SPOP: variants seen among roughly 807,000 people sequenced by gnomAD.
The protein encoded by SPOP is speckle-type POZ protein.
In SPOP, 11 loss-of-function variants were observed where a neutral mutation model predicts 45.6. The observed-to-expected ratio is 0.24, with a 90% CI of 0.15 to 0.40. The LOEUF is 0.40. Among genes scored for constraint, SPOP ranks in the 10% least tolerant of loss-of-function variants. The pLI, the probability that SPOP is intolerant of heterozygous loss-of-function variation, is 1.00. For missense variants in SPOP, 152 were observed against 465.6 expected (o/e 0.33, Z 6.20); for synonymous variants, 166 against 166.3 (o/e 1.00, Z 0.01).
At chr17:49,602,230 T>TA (rs1447130379) in intron 8 of SPOP, 3 of 470,990 alleles carry the variant, frequency 6.4e-6, no homozygotes, top group Non-Finnish European at 1.1e-5. Context: ...AAGCTGCCAT[T>TA]AGAGTTCTAA....
chr17:49,611,711 T>C lies in SPOP; in HGVS notation c.481-254A>G, dbSNP rs556720713. Among the ~76,000 whole-genome samples, 6 of 152,290 alleles carry C rather than the reference T, an allele frequency of 3.9e-5. No individual in the cohort carries two copies. In the East Asian group the frequency reaches 1.2e-3, roughly 29 times the overall value. The stretch of plus-strand genomic sequence containing the variant: ...ACAAATCTCTTTTTCCCCCAGTTTC[T>C]AATAAGCTTCACCTCCCTTGGACTA... On this transcript the variant is annotated intron_variant, in intron 5 of 9. Coordinates refer to ENST00000504102, the MANE Select transcript of SPOP (RefSeq NM_001007228.2).
rs78365183 is a variant in SPOP, at chr17:49,658,309, T to C, written c.-67+19624A>G. Among the ~76,000 whole-genome samples the C allele has an allele frequency of 4.6e-4, 70 of 152,338 alleles. No homozygotes were observed. The East Asian group carries it at 0.011, about 23-fold the overall frequency. ...GGTGGGATTTGGGGTAATTTTTTAC[T>C]TTTTTCTTTATACTTTTCTATTTTT... On this transcript the variant is annotated intron_variant, in intron 1 of 9. Transcript: ENST00000504102.
intron 1 of SPOP, among the ~76,000 whole-genome samples, chr17:49,677,099 C>A (rs956188625): frequency 3.3e-5 from 5 of 152,128 alleles, no homozygotes; most frequent in African/African-American, 1.2e-4. Context: ...TCTAGTTCTG[C>A]GAATTAAGAA....
At chr17:49,609,990 A>G (rs894284764) in intron 6 of SPOP, among the ~76,000 whole-genome samples, 6 of 152,234 alleles carry the variant, frequency 3.9e-5, no homozygotes, top group Admixed American at 1.3e-4. Flanking sequence ...CAGGTGAGGT[A>G]AGAAGCAAGA....
At chr17:49,628,047 C>A (rs963906813) in intron 1 of SPOP, among the ~76,000 whole-genome samples, 12 of 152,144 alleles carry the variant, frequency 7.9e-5, no homozygotes, top group African/African-American at 2.9e-4. Flanking sequence ...TGCAGATGAC[C>A]AGCAGAAAAA....
At chr17:49,605,065 A>G (rs2071812049) in intron 8 of SPOP, among the ~76,000 whole-genome samples, 1 of 152,172 alleles carries the variant, frequency 6.6e-6, no homozygotes, top group South Asian at 2.1e-4. Flanking sequence ...ATATCTGTTG[A>G]TATTTCACCT....
At chr17:49,651,070 AG>A (rs1410867432) in intron 1 of SPOP, among the ~76,000 whole-genome samples, 3 of 152,220 alleles carry the variant, frequency 2.0e-5, no homozygotes, top group Non-Finnish European at 4.4e-5. Context: ...CAGTTATGTG[AG>A]GAAAAAAAGA....
chr17:49,645,378 C>T (rs568714489), intron 1 of SPOP, among the ~76,000 whole-genome samples: 1 of 151,938 alleles, frequency 6.6e-6, no homozygotes, highest in African/African-American at 2.4e-5. Flanking sequence ...CTGCTCACTG[C>T]AACCTCTGCC....
chr17:49,608,784 C>T (rs920863327), intron 6 of SPOP, among the ~76,000 whole-genome samples: 2 of 152,020 alleles, frequency 1.3e-5, no homozygotes, highest in South Asian at 4.1e-4. Context: ...TGAGATCCAA[C>T]GATTACCTAA....
intron 1 of SPOP, among the ~76,000 whole-genome samples, chr17:49,641,302 C>A (rs963791861): frequency 4.0e-5 from 6 of 148,272 alleles, no homozygotes; most frequent in African/African-American, 1.5e-4. Flanking sequence ...CAATTCCCTC[C>A]GTTAACAACC....
In SPOP at chr17:49,601,924, G is replaced by A. The variant is rs147619581; in HGVS notation, c.921C>T (p.Ile307=). The A allele has an allele frequency of 4.0e-5, 64 of 1,614,046 alleles. No homozygotes were observed. The African/African-American group carries it at 6.7e-4, about 17-fold the overall frequency. ...GATCTGCACTGTGGAGGTCGGCCAG[G>A]ATGAGAATTTCTGCAGCGTTCTCCA... The part of the protein sequence containing the change: ...LSVENAAEIL[I]LADLHSADQL... Residue 307 remains isoleucine, a synonymous_variant, in exon 9 of 10, where the codon ATC becomes ATT. Coordinates refer to ENST00000504102, the MANE Select transcript of SPOP (RefSeq NM_001007228.2).
chr17:49,650,516 G>T (rs1049355744), intron 1 of SPOP, among the ~76,000 whole-genome samples: 2 of 152,122 alleles, frequency 1.3e-5, no homozygotes, highest in African/African-American at 4.8e-5. Flanking sequence ...GGAGGTGGAG[G>T]TTACAGTGAG....
intron 1 of SPOP, among the ~76,000 whole-genome samples, chr17:49,634,112 T>C (rs377704688): frequency 2.6e-5 from 4 of 151,980 alleles, no homozygotes; most frequent in African/African-American, 9.7e-5. Context: ...GGAATCCGAA[T>C]CAGGAAACAA....
intron 1 of SPOP, among the ~76,000 whole-genome samples, chr17:49,655,391 G>C (rs926465633): frequency 2.0e-5 from 3 of 152,062 alleles, no homozygotes; most frequent in Non-Finnish European, 4.4e-5. Context: ...GGCACCTGTA[G>C]TCCCAGCTAC....
intron 1 of SPOP, among the ~76,000 whole-genome samples, chr17:49,652,737 G>C (rs1366172271): frequency 1.3e-5 from 2 of 152,088 alleles, no homozygotes; most frequent in Non-Finnish European, 2.9e-5. Flanking sequence ...TAGTCAGCTA[G>C]GAATTCAAAT....
chr17:49,604,071 G>A (rs2071789167), intron 8 of SPOP, among the ~76,000 whole-genome samples: 1 of 152,166 alleles, frequency 6.6e-6, no homozygotes. Context: ...TTATCCTTAT[G>A]GAATCTAGAA....
At chr17:49,632,985 T>C (rs2072479983) in intron 1 of SPOP, among the ~76,000 whole-genome samples, 1 of 152,232 alleles carries the variant, frequency 6.6e-6, no homozygotes, top group South Asian at 2.1e-4. Flanking sequence ...ATTTTTTCTA[T>C]ACCAGGCTAA....
chr17:49,629,098 C>T (rs2072399026), intron 1 of SPOP, among the ~76,000 whole-genome samples: 1 of 152,214 alleles, frequency 6.6e-6, no homozygotes, highest in Non-Finnish European at 1.5e-5. Flanking sequence ...AAAAATTAGC[C>T]GTGCGTGGTG....
At chr17:49,658,977 G>A (rs1372086745) in intron 1 of SPOP, among the ~76,000 whole-genome samples, 2 of 152,192 alleles carry the variant, frequency 1.3e-5, no homozygotes, top group Non-Finnish European at 2.9e-5. Flanking sequence ...AAGAAGGAGA[G>A]AAGAGTTAAA....
Sources: allele counts gnomAD v4.1 joint callset (sites outside exome capture counted in the v4.1 genomes callset), GRCh38; gene constraint gnomAD v4.1.1; transcripts MANE v1.5; gene names NCBI Gene and HGNC (gene_info 2026-07-23, HGNC 2026-07-21).